The following NAV2 variants were observed in gnomAD, a reference collection of about 807,000 sequenced individuals.
The protein encoded by NAV2 is helicase, APC down-regulated 1.
In NAV2, 54 loss-of-function variants were observed where a neutral mutation model predicts 223.2. That is an observed-to-expected ratio of 0.24 (90% CI 0.19 to 0.30). The LOEUF (loss-of-function observed/expected upper bound fraction) is 0.30. NAV2 is among the 10% of genes least tolerant of loss of function. NAV2 has a pLI of 1.00. For synonymous variants in NAV2, 1,279 were observed against 1,239.3 expected (o/e 1.03, Z -0.67); for missense variants, 2,806 against 3,147.5 (o/e 0.89, Z 2.60).
intron 1 of NAV2, among the ~76,000 whole-genome samples, chr11:19,781,758 GC>G (rs2056764871): frequency 8.9e-6 from 1 of 112,928 alleles, no homozygotes; most frequent in Admixed American, 9.4e-5. Flanking sequence ...TGCTCCTTTA[GC>G]TTTTTTTTTT....
At chr11:19,678,391 C>T (rs546134601) in intron 1 of NAV2, among the ~76,000 whole-genome samples, 59 of 152,288 alleles carry the variant, frequency 3.9e-4, no homozygotes, top group African/African-American at 1.3e-3. Context: ...ATGCTTACTC[C>T]GGAGCCCATG....
At chr11:19,957,422 C>T (rs2047968816) in intron 10 of NAV2, among the ~76,000 whole-genome samples, 1 of 152,176 alleles carries the variant, frequency 6.6e-6, no homozygotes, top group Non-Finnish European at 1.5e-5. Flanking sequence ...ATGCAGAGGG[C>T]AAGATTAATT....
intron 1 of NAV2, among the ~76,000 whole-genome samples, chr11:19,522,464 T>A (rs1204874016): frequency 6.6e-6 from 1 of 152,184 alleles, no homozygotes; most frequent in Non-Finnish European, 1.5e-5. Flanking sequence ...AGGCTCATAG[T>A]GTCAGCAGTA....
Position 19,934,266 on chromosome 11 carries a change from T to C in NAV2, c.2022T>C (p.Pro674=). The C allele has an allele frequency of 1.3e-6, 2 of 1,589,912 alleles. No individual in the cohort carries two copies. The highest frequency in any genetic ancestry group is 1.7e-6 in the Non-Finnish European group (2 of 1,166,914). The change falls in exon 7 of 38, where the codon CCT becomes CCC. Residue 674 remains proline (P), a synonymous_variant. Coordinates refer to ENST00000349880, the MANE Select transcript of NAV2 (RefSeq NM_145117.5). ...YNHPNTATVA[P]FLYRSQTDTE... ...ATCCCAACACTGCCACGGTTGCACC[T>C]TTCCTGTACAGGTAGGAGCTGCCAC...
At chr11:19,909,485 A>T (rs1292906348) in intron 6 of NAV2, among the ~76,000 whole-genome samples, 1 of 152,210 alleles carries the variant, frequency 6.6e-6, no homozygotes, top group African/African-American at 2.4e-5. Context: ...ATAAAAACAG[A>T]TTGTAACTTT....
intron 1 of NAV2, among the ~76,000 whole-genome samples, chr11:19,379,532 C>A (rs1197297983): frequency 1.3e-5 from 2 of 152,082 alleles, no homozygotes; most frequent in African/African-American, 2.4e-5. Context: ...ACCTGAGTGG[C>A]CGTTGTGGAG....
intron 29 of NAV2, among the ~76,000 whole-genome samples, chr11:20,094,663 C>T (rs2061118376): frequency 6.6e-6 from 1 of 152,206 alleles, no homozygotes; most frequent in African/African-American, 2.4e-5. Flanking sequence ...TATTCTGCAT[C>T]ACTACAGCAT....
At chr11:19,827,845 C>G (rs1477794070) in intron 1 of NAV2, among the ~76,000 whole-genome samples, 20 of 150,220 alleles carry the variant, frequency 1.3e-4, no homozygotes, top group South Asian at 2.1e-4. Context: ...GTGCACCGGC[C>G]TGTAATCTGG....
intron 1 of NAV2, among the ~76,000 whole-genome samples, chr11:19,579,329 A>G (rs11821235): frequency 0.098 from 14,867 of 152,268 alleles, 2,252 homozygotes; most frequent in African/African-American, 0.33. Flanking sequence ...GCAAATATTA[A>G]GGATTCTCTC....
At chr11:19,532,659 G>A (rs918867726) in intron 1 of NAV2, among the ~76,000 whole-genome samples, 4 of 152,178 alleles carry the variant, frequency 2.6e-5, no homozygotes, top group African/African-American at 9.7e-5. Context: ...GAGCCAGGCT[G>A]CAGACTAGAG....
chr11:19,932,236 CAAAAAAA>C (rs398015484), intron 6 of NAV2, among the ~76,000 whole-genome samples: 139 of 78,996 alleles, frequency 1.8e-3, no homozygotes, highest in African/African-American at 8.2e-3. Flanking sequence ...CACTCTTAAG[CAAAAAAA>C]AAAAAAAAAA....
At chr11:19,684,827 G>A (rs763967057) in intron 1 of NAV2, among the ~76,000 whole-genome samples, 1 of 152,188 alleles carries the variant, frequency 6.6e-6, no homozygotes, top group African/African-American at 2.4e-5. Flanking sequence ...TCCTTCAAGA[G>A]TGCTCACATC....
At chr11:19,613,128 G>A (rs967849375) in intron 1 of NAV2, among the ~76,000 whole-genome samples, 9 of 152,132 alleles carry the variant, frequency 5.9e-5, no homozygotes, top group South Asian at 4.2e-4. Context: ...GGGAAAGACC[G>A]GCCCCCATGA....
chr11:19,945,698 G>C (rs2046886385), intron 8 of NAV2, among the ~76,000 whole-genome samples: 1 of 152,198 alleles, frequency 6.6e-6, no homozygotes, highest in Admixed American at 6.5e-5. Flanking sequence ...CTTGTGTTGA[G>C]TGCTTATGGT....
intron 1 of NAV2, among the ~76,000 whole-genome samples, chr11:19,451,526 T>G (rs1176435090): frequency 6.6e-6 from 1 of 152,146 alleles, no homozygotes; most frequent in East Asian, 1.9e-4. Context: ...CAAACAGCAG[T>G]GGGGCTTACT....
chr11:19,418,715 T>C (rs1314549201), intron 1 of NAV2, among the ~76,000 whole-genome samples: 1 of 152,176 alleles, frequency 6.6e-6, no homozygotes, highest in Non-Finnish European at 1.5e-5. Flanking sequence ...GTTTGGCAGA[T>C]GATCAAAATG....
chr11:19,806,261 T>C (rs1004544683), intron 1 of NAV2, among the ~76,000 whole-genome samples: 1 of 152,246 alleles, frequency 6.6e-6, no homozygotes, highest in African/African-American at 2.4e-5. Context: ...CATTGGAAAA[T>C]ATTCCTTTCC....
In NAV2 at chr11:19,995,656, G is replaced by C. The variant is rs544473405; in HGVS notation, c.2768+11409G>C. ...GCAAAGAGGACAGCTGCGGTGGAGA[G>C]TGGTGGGGTCTTGGACTTTTCTGAT... On this transcript the variant is annotated intron_variant, in intron 11 of 37. Coordinates refer to ENST00000349880, the MANE Select transcript of NAV2 (RefSeq NM_145117.5). Among the ~76,000 whole-genome samples the C allele has an allele frequency of 1.5e-3, 221 of 152,272 alleles. 1 individual carries two copies. Among genetic ancestry groups the C allele is most frequent in the Non-Finnish European group, 2.5e-3 (168 of 68,030 alleles).
intron 3 of NAV2, among the ~76,000 whole-genome samples, chr11:19,845,094 A>T (rs1401390981): frequency 6.6e-6 from 1 of 152,198 alleles, no homozygotes; most frequent in African/African-American, 2.4e-5. Context: ...GGCAGAACTC[A>T]CTAGATCACA....
Sources: gnomAD v4.1 joint callset for allele counts (sites outside exome capture counted in the v4.1 genomes callset) on GRCh38, gnomAD v4.1.1 for gene constraint, MANE v1.5 for transcripts, NCBI Gene and HGNC (gene_info 2026-07-23, HGNC 2026-07-21) for gene names.